The following RCAN2 variants were observed in gnomAD, a reference collection of about 807,000 sequenced individuals.
The protein encoded by RCAN2 is calcipressin-2.
A neutral mutation model predicts 23.6 loss-of-function variants in RCAN2; 9 were observed. The observed-to-expected ratio is 0.38, with a 90% confidence interval of 0.23 to 0.67. RCAN2 has a LOEUF of 0.67. Among genes scored for constraint, RCAN2 ranks in the 30% least tolerant of loss-of-function variants. The probability of loss-of-function intolerance (pLI) is 0.51; values close to 1 mark genes in which losing one functional copy is unlikely to be tolerated. For synonymous variants in RCAN2, 109 were observed against 115.7 expected, an observed-to-expected ratio of 0.94 and a Z score of 0.37; for missense variants, 273 against 302.3, an observed-to-expected ratio of 0.90 and a Z score of 0.72.
At position 46,367,022 on chromosome 6, in the gene RCAN2, GATATATATAT is replaced by G. The variant is rs60245042; in HGVS notation, c.225+89720_225+89729del. ...ATTTTATTTTCAGTTATCTGGGATG[GATATATATAT>G]ATATATATATATATATATATATCCT... is the stretch of plus-strand genomic sequence containing the variant. On this transcript the variant is annotated intron_variant, in intron 2 of 4. Transcript: ENST00000371374. Among the ~76,000 whole-genome samples, 44 of 59,676 alleles carry G rather than the reference GATATATATAT, an allele frequency of 7.4e-4. 3 individuals are homozygous for G. The highest frequency in any genetic ancestry group is 1.3e-3 in the African/African-American group (28 of 21,014). 39.1% of individuals were successfully genotyped at this position (59,676 alleles called of 152,430 possible). A position where few individuals can be genotyped will look rare whatever the true frequency, so the allele number is the denominator to read the frequency against.
intron 2 of RCAN2, among the ~76,000 whole-genome samples, chr6:46,255,392 C>T (rs1766873216): frequency 6.6e-6 from 1 of 152,026 alleles, no homozygotes; most frequent in Non-Finnish European, 1.5e-5. Context: ...TCACATTCAA[C>T]TGAAAGAATG....
At chr6:46,242,785 C>G (rs1057358732) in intron 4 of RCAN2, among the ~76,000 whole-genome samples, 5 of 152,204 alleles carry the variant, frequency 3.3e-5, no homozygotes, top group Non-Finnish European at 7.3e-5. Context: ...TGCTTCCCGA[C>G]TGAGTCTGGC....
chr6:46,286,510 G>A (rs572795403), intron 2 of RCAN2, among the ~76,000 whole-genome samples: 2 of 152,278 alleles, frequency 1.3e-5, no homozygotes, highest in African/African-American at 2.4e-5. Context: ...ACAGATAGCA[G>A]AAATATATGA....
intron 2 of RCAN2, among the ~76,000 whole-genome samples, chr6:46,441,044 C>G (rs896546644): frequency 1.3e-5 from 2 of 152,122 alleles, no homozygotes; most frequent in Non-Finnish European, 2.9e-5. Context: ...AGAAAAACAC[C>G]TGGTTATTAG....
intron 2 of RCAN2, among the ~76,000 whole-genome samples, chr6:46,354,895 A>ATGTGTGTGTG (rs1317652711): frequency 1.0e-4 from 14 of 136,216 alleles, no homozygotes; most frequent in African/African-American, 2.8e-4. Context: ...AAAAGATTAT[A>ATGTGTGTGTG]TATGTGTGTG....
intron 2 of RCAN2, among the ~76,000 whole-genome samples, chr6:46,264,604 C>CA (rs1266949323): frequency 6.6e-6 from 1 of 151,864 alleles, no homozygotes; most frequent in Non-Finnish European, 1.5e-5. Flanking sequence ...AGATTTGAAA[C>CA]AAAAATGATT....
At chr6:46,475,893 C>T (rs920322548) in intron 1 of RCAN2, among the ~76,000 whole-genome samples, 5 of 152,202 alleles carry the variant, frequency 3.3e-5, no homozygotes, top group African/African-American at 1.2e-4. Context: ...TGTCATGAAT[C>T]ACCCAAAATG....
In RCAN2 at chr6:46,476,947, C is replaced by CAGTGGT. The variant is rs1453590786; in HGVS notation, c.-3+14220_-3+14225dup. On this transcript the variant is annotated intron_variant, in intron 1 of 4. Coordinates refer to ENST00000371374, the MANE Select transcript of RCAN2 (RefSeq NM_001251974.2). ...AGGAACTGAAGGTTGGGTTGATCAC[C>CAGTGGT]AGTGGTCAATCATGTAATCAATCAT... 7.9e-5 allele frequency among the ~76,000 whole-genome samples: 12 copies of CAGTGGT among 152,216 alleles called. No homozygotes were observed. The South Asian group carries it at 1.0e-3, about 13-fold the overall frequency.
At chr6:46,254,929 G>A (rs964248085) in intron 2 of RCAN2, among the ~76,000 whole-genome samples, 25 of 152,184 alleles carry the variant, frequency 1.6e-4, no homozygotes, top group Admixed American at 1.6e-3. Flanking sequence ...AATATTGCTA[G>A]CAAACCACCA....
At chr6:46,373,871 C>A (rs1765393395) in intron 2 of RCAN2, among the ~76,000 whole-genome samples, 1 of 152,158 alleles carries the variant, frequency 6.6e-6, no homozygotes, top group Admixed American at 6.5e-5. Flanking sequence ...AACCCCAGGG[C>A]AGTCTTGGAT....
At chr6:46,406,011 G>A (rs1336715034) in intron 2 of RCAN2, among the ~76,000 whole-genome samples, 1 of 152,228 alleles carries the variant, frequency 6.6e-6, no homozygotes, top group African/African-American at 2.4e-5. Context: ...TGGCCCGGGT[G>A]CTAAGTCCCT....
intron 4 of RCAN2, among the ~76,000 whole-genome samples, chr6:46,226,807 A>C (rs1390791942): frequency 6.6e-6 from 1 of 152,216 alleles, no homozygotes; most frequent in Non-Finnish European, 1.5e-5. Flanking sequence ...CCCTAGCCAG[A>C]ACTTCCAACA....
chr6:46,230,542 G>A (rs1398481932), intron 4 of RCAN2, among the ~76,000 whole-genome samples: 1 of 152,178 alleles, frequency 6.6e-6, no homozygotes, highest in African/African-American at 2.4e-5. Context: ...TGCTAGCAGT[G>A]AGTGAGGCTC....
chr6:46,315,778 T>C (rs1763413197), intron 2 of RCAN2, among the ~76,000 whole-genome samples: 1 of 152,158 alleles, frequency 6.6e-6, no homozygotes, highest in Non-Finnish European at 1.5e-5. Context: ...AGCAACTTCC[T>C]GGAGGCTTCA....
At chr6:46,263,694 A>G (rs1428084703) in intron 2 of RCAN2, among the ~76,000 whole-genome samples, 1 of 150,594 alleles carries the variant, frequency 6.6e-6, no homozygotes, top group Non-Finnish European at 1.5e-5. Flanking sequence ...CAGCATTATC[A>G]AAGGATTTAA....
At chr6:46,412,386 G>A (rs920571610) in intron 2 of RCAN2, among the ~76,000 whole-genome samples, 2 of 152,142 alleles carry the variant, frequency 1.3e-5, no homozygotes, top group Admixed American at 1.3e-4. Flanking sequence ...TGGAGTTCTG[G>A]GGTATAGTTG....
intron 2 of RCAN2, among the ~76,000 whole-genome samples, chr6:46,384,218 C>T (rs764037979): frequency 1.3e-5 from 2 of 152,182 alleles, no homozygotes; most frequent in Admixed American, 6.5e-5. Flanking sequence ...TCATCTGCTT[C>T]GCCATTGCCT....
At chr6:46,359,820 CA>C (rs946913640) in intron 2 of RCAN2, among the ~76,000 whole-genome samples, 95 of 150,556 alleles carry the variant, frequency 6.3e-4, no homozygotes, top group South Asian at 8.4e-4. Flanking sequence ...TAATTTTCAC[CA>C]AAAAAAAAGT....
intron 4 of RCAN2, among the ~76,000 whole-genome samples, chr6:46,242,655 A>G (rs565964758): frequency 1.9e-4 from 29 of 152,186 alleles, no homozygotes; most frequent in Non-Finnish European, 3.5e-4. Context: ...TTAACATGCA[A>G]TTAGTTATAA....
Sources: gnomAD v4.1 joint callset for allele counts (sites outside exome capture counted in the v4.1 genomes callset) on GRCh38, gnomAD v4.1.1 for gene constraint, MANE v1.5 for transcripts, NCBI Gene and HGNC (gene_info 2026-07-23, HGNC 2026-07-21) for gene names.